Variants in APCDD1L observed in about 807,000 individuals in gnomAD.
APCDD1L encodes the protein APC down-regulated 1 like.
APCDD1L carries 21 observed loss-of-function variants against 24.2 expected under a neutral mutation model. That is an observed-to-expected ratio of 0.87 (90% CI 0.61 to 1.25). APCDD1L has a LOEUF of 1.25. APCDD1L is among the 50% of genes most tolerant of loss of function. APCDD1L has a pLI of 0.00. For missense variants in APCDD1L, 704 were observed against 711.7 expected, an observed-to-expected ratio of 0.99 and a Z score of 0.12; for synonymous variants, 321 against 323.6, an observed-to-expected ratio of 0.99 and a Z score of 0.09.
At position 58,460,205 on chromosome 20, in the gene APCDD1L, G is replaced by A. The variant is rs1398005345; in HGVS notation, c.*585C>T. 1 of 152,320 alleles carries A rather than the reference G, an allele frequency of 6.6e-6. No individual in the cohort carries two copies. Among genetic ancestry groups the A allele is most frequent in the African/African-American group, 2.4e-5 (1 of 41,460 alleles). 9.4% of individuals were successfully genotyped at this position (152,320 alleles called of 1,614,324 possible). A position where few individuals can be genotyped will look rare whatever the true frequency, so the allele number is the denominator to read the frequency against. On this transcript the variant is annotated 3_prime_UTR_variant, in exon 4 of 4. Transcript: ENST00000371149. This position sits in a 1 kb window ranked among gnomAD's most constrained non-coding sequence, Gnocchi z 4.2. The stretch of plus-strand genomic sequence containing the variant: ...GACTCAGGAAAGCTGAGCTGCCCCT[G>A]AAGACACAAGCCCTTTGCCCAAAAG...
At chr20:58,468,437 G>A (rs1354563543) in intron 2 of APCDD1L, among the ~76,000 whole-genome samples, 2 of 152,156 alleles carry the variant, frequency 1.3e-5, no homozygotes, top group Non-Finnish European at 2.9e-5. Context: ...ACCTGGGGAT[G>A]GGGCAGAGGA....
Position 58,461,320 on chromosome 20 carries a change from G to A in APCDD1L, c.976C>T (p.Pro326Ser), listed in dbSNP as rs755749373. ...HHFSDPACRQPTFTVYAAGRY... is the reference protein window; with the variant it reads ...HHFSDPACRQSTFTVYAAGRY... ...CCGGCGGCATACACGGTGAAGGTGGGCTGCCGGCAGGCTGGGTCTGAGAAG... is the reference window on the plus strand; with the variant it reads ...CCGGCGGCATACACGGTGAAGGTGGACTGCCGGCAGGCTGGGTCTGAGAAG... The change falls in exon 4 of 4, where the codon CCC becomes TCC. Residue 326 changes from proline to serine, a missense_variant. Pro to Ser is a moderately conservative substitution (Grantham distance 74, BLOSUM62 -1). Coordinates refer to ENST00000371149, the MANE Select transcript of APCDD1L (RefSeq NM_153360.3). This position sits in a 1 kb window ranked among gnomAD's most constrained non-coding sequence, Gnocchi z 6.0. 1.2e-6 allele frequency: 2 copies of A among 1,604,094 alleles called. No homozygotes were observed. Among genetic ancestry groups the A allele is most frequent in the Non-Finnish European group, 8.5e-7 (1 of 1,172,936 alleles).
At position 58,467,004 on chromosome 20, in the gene APCDD1L, C is replaced by T. The variant is rs893043555; in HGVS notation, c.741+102G>A. 42 of 1,410,670 alleles carry T rather than the reference C, an allele frequency of 3.0e-5. 1 individual carries two copies. Among genetic ancestry groups the T allele is most frequent in the Non-Finnish European group, 3.6e-5 (39 of 1,068,898 alleles). The allele number at this position is 1,410,670 out of a possible 1,614,324, so 87.4% of individuals were successfully genotyped here. On this transcript the variant is annotated intron_variant, in intron 3 of 3. Transcript: ENST00000371149. The surrounding 1 kb of genome is among the most constrained non-coding windows in gnomAD (Gnocchi z 5.9). ...AGTGATGACAGCCGGGCAGCCAGAGCCCTGGGCAGGCCCAGGTCTTGCAAA... is the reference window on the plus strand; with the variant it reads ...AGTGATGACAGCCGGGCAGCCAGAGTCCTGGGCAGGCCCAGGTCTTGCAAA...
At position 58,467,471 on chromosome 20, in the gene APCDD1L, C is replaced by T. The variant is rs1478030292; in HGVS notation, c.376G>A (p.Asp126Asn). 1.9e-6 allele frequency: 3 copies of T among 1,595,856 alleles called. No individual in the cohort carries two copies. The highest frequency in any genetic ancestry group is 1.1e-5 in the South Asian group (1 of 88,220). Reference protein sequence around the residue: ...SWVTRGATEADYHLHKVGIVF... With the variant: ...SWVTRGATEANYHLHKVGIVF... The stretch of plus-strand genomic sequence containing the variant: ...ATGCCCACCTTGTGCAGGTGGTAGT[C>T]GGCCTCGGTGGCTCCCCGGGTGACC... The change falls in exon 3 of 4, where the codon GAC becomes AAC. Residue 126 changes from aspartate (D) to asparagine (N), a missense_variant. Asp to Asn is a conservative substitution (Grantham distance 23, BLOSUM62 1). Coordinates refer to ENST00000371149, the MANE Select transcript of APCDD1L (RefSeq NM_153360.3). The surrounding 1 kb of genome is among the most constrained non-coding windows in gnomAD (Gnocchi z 5.9).
Position 58,463,251 on chromosome 20 carries a change from A to G in APCDD1L, c.742-1697T>C, listed in dbSNP as rs1398187371. ...AAAGAGCTGGGACTCAAAGATGTTC[A>G]TTGTCGTGTTATTTGTTATAGGGAA... On this transcript the variant is annotated intron_variant, in intron 3 of 3. Coordinates refer to ENST00000371149, the MANE Select transcript of APCDD1L (RefSeq NM_153360.3). Among the ~76,000 whole-genome samples the G allele has an allele frequency of 2.6e-5, 4 of 151,792 alleles. No individual in the cohort carries two copies. The South Asian group carries it at 6.2e-4, about 24-fold the overall frequency.
intron 1 of APCDD1L, among the ~76,000 whole-genome samples, chr20:58,502,364 G>A (rs1362664332): frequency 6.6e-6 from 1 of 152,214 alleles, no homozygotes; most frequent in Non-Finnish European, 1.5e-5. Flanking sequence ...GCCTCCCAAA[G>A]TGTTGGGATT....
intron 1 of APCDD1L, among the ~76,000 whole-genome samples, chr20:58,480,437 C>A (rs555650381): frequency 3.3e-5 from 5 of 152,314 alleles, no homozygotes; most frequent in African/African-American, 1.2e-4. Flanking sequence ...ACTGGCCCCC[C>A]AGTTCTCCAT....
chr20:58,484,923 A>T (rs1246558546), intron 1 of APCDD1L, among the ~76,000 whole-genome samples: 8 of 150,494 alleles, frequency 5.3e-5, no homozygotes, highest in Admixed American at 5.3e-4. Flanking sequence ...CTCCCAGAAA[A>T]TGGTTTCATG....
At position 58,467,539 on chromosome 20, in the gene APCDD1L, GA is replaced by G. The variant is rs1989738951; in HGVS notation, c.307del (p.Ser103ArgfsTer258). The G allele has an allele frequency of 2.1e-5, 34 of 1,588,744 alleles. No homozygotes were observed. The highest frequency in any genetic ancestry group is 6.8e-5 in the African/African-American group (5 of 73,182). On this transcript the variant is annotated frameshift_variant, in exon 3 of 4. Transcript: ENST00000371149. LOFTEE classifies it high-confidence loss of function. This position sits in a 1 kb window ranked among gnomAD's most constrained non-coding sequence, Gnocchi z 5.9. ...EDPFCGEPAHSLLVKGKVRLR... is the reference protein window; with the variant it reads ...EDPFCGEPAHXLLVKGKVRLR... ...GCGGACTTTGCCCTTGACGAGCAGC[GA>G]GTGGGCAGGTTCCCCGCAGAAGGGG...
chr20:58,495,928 C>T (rs1366401706), intron 1 of APCDD1L, among the ~76,000 whole-genome samples: 2 of 151,984 alleles, frequency 1.3e-5, no homozygotes, highest in Non-Finnish European at 2.9e-5. Flanking sequence ...TCCCCCTCTC[C>T]AGGCTGGGCC....
rs10601961 is a variant in APCDD1L, at chr20:58,494,302, TTCTC to T, written c.49+20353_49+20356del. Among the ~76,000 whole-genome samples the T allele has an allele frequency of 2.2e-4, 33 of 151,402 alleles. No homozygotes were observed. Among genetic ancestry groups the T allele is most frequent in the African/African-American group, 8.1e-4 (33 of 40,988 alleles). On this transcript the variant is annotated intron_variant, in intron 1 of 3. Transcript: ENST00000371149. The surrounding 1 kb of genome is among the most constrained non-coding windows in gnomAD (Gnocchi z 4.8). ...TTTCTTTTCTTACTTTTCTTTTCTC[TTCTC>T]TCTTCTCTTCTCTTCTTTTCCTTTC...
At chr20:58,498,793 T>C (rs11697646) in intron 1 of APCDD1L, among the ~76,000 whole-genome samples, 33,703 of 152,200 alleles carry the variant, frequency 0.22, 4,024 homozygotes, top group East Asian at 0.36. Flanking sequence ...AAAGCTCCTC[T>C]GTCATTGGAG....
chr20:58,461,260 G>C lies in APCDD1L; in HGVS notation c.1036C>G (p.Arg346Gly), dbSNP rs761827739. Residue 346 changes from arginine (R) to glycine (G), a missense_variant, in exon 4 of 4, where the codon CGC becomes GGC. Physicochemically the swap from Arg to Gly is moderately radical, Grantham distance 125. Transcript: ENST00000371149. The surrounding 1 kb of genome is among the most constrained non-coding windows in gnomAD (Gnocchi z 6.0). ...YTRGTPSTRV[R>G]GGTELVFEVT... Reference sequence around the variant, plus strand: ...TCAAACACCAGCTCGGTGCCGCCGCGGACCCTGGTGGATGGCGTGCCCCTG... The same window carrying C: ...TCAAACACCAGCTCGGTGCCGCCGCCGACCCTGGTGGATGGCGTGCCCCTG... 1 of 1,613,296 alleles carries C rather than the reference G, an allele frequency of 6.2e-7. No individual in the cohort carries two copies. Among genetic ancestry groups the C allele is most frequent in the Non-Finnish European group, 8.5e-7 (1 of 1,179,742 alleles).
At chr20:58,469,149 T>C (rs1338439779) in intron 2 of APCDD1L, among the ~76,000 whole-genome samples, 1 of 152,224 alleles carries the variant, frequency 6.6e-6, no homozygotes, top group Non-Finnish European at 1.5e-5. Flanking sequence ...CTGCTCCCCA[T>C]ATCCAGGATA....
intron 1 of APCDD1L, among the ~76,000 whole-genome samples, chr20:58,501,664 A>G (rs1990439727): frequency 1.3e-5 from 2 of 152,190 alleles, no homozygotes; most frequent in South Asian, 4.1e-4. Context: ...CCAAGTCCTG[A>G]CAGTTCCACC....
At chr20:58,500,993 C>A (rs1314489707) in intron 1 of APCDD1L, among the ~76,000 whole-genome samples, 1 of 152,162 alleles carries the variant, frequency 6.6e-6, no homozygotes, top group Non-Finnish European at 1.5e-5. Flanking sequence ...TGCCAGGTAC[C>A]CCACAGTGTG....
chr20:58,475,478 A>G (rs892717975), intron 1 of APCDD1L, among the ~76,000 whole-genome samples: 2 of 152,220 alleles, frequency 1.3e-5, no homozygotes, highest in Admixed American at 6.5e-5. Flanking sequence ...ACTTGATATT[A>G]AAATATTTGG....
At chr20:58,502,387 C>T (rs1990452454) in intron 1 of APCDD1L, among the ~76,000 whole-genome samples, 1 of 152,230 alleles carries the variant, frequency 6.6e-6, no homozygotes, top group African/African-American at 2.4e-5. Context: ...AGGCGTGAGA[C>T]ACCGCATCTG....
chr20:58,481,020 T>C (rs1266123098), intron 1 of APCDD1L, among the ~76,000 whole-genome samples: 1 of 152,216 alleles, frequency 6.6e-6, no homozygotes, highest in African/African-American at 2.4e-5. Context: ...TCTGTAGACA[T>C]TATTTATACC....
Sources: gnomAD v4.1 joint callset for allele counts (sites outside exome capture counted in the v4.1 genomes callset) on GRCh38, gnomAD v4.1.1 for gene constraint, Gnocchi (gnomAD v3.1) non-coding constraint, MANE v1.5 for transcripts, NCBI Gene and HGNC (gene_info 2026-07-23, HGNC 2026-07-21) for gene names.